Variants in AFG2A observed in about 807,000 individuals in gnomAD.
AFG2A encodes ATPase family gene 2 protein homolog A.
At chr4:122,993,883 G>T in the AFG2A span, among the ~76,000 whole-genome samples, 37 of 151,632 alleles carry the variant, frequency 2.4e-4, no homozygotes, top group Non-Finnish European at 4.7e-4. Flanking sequence ...TAGATAAAAG[G>T]GTATAGCTGG....
chr4:123,274,105 T>C, the AFG2A span, among the ~76,000 whole-genome samples: 2 of 152,148 alleles, frequency 1.3e-5, no homozygotes, highest in Non-Finnish European at 1.5e-5. Flanking sequence ...CTATATAGTG[T>C]ATTAGTTATA....
At chr4:122,962,707 T>C in the AFG2A span, among the ~76,000 whole-genome samples, 8 of 152,260 alleles carry the variant, frequency 5.3e-5, no homozygotes, top group Non-Finnish European at 8.8e-5. Context: ...CCAGGCTATC[T>C]AAATAAAAGT....
At chr4:123,158,293 A>T in the AFG2A span, among the ~76,000 whole-genome samples, 1 of 152,198 alleles carries the variant, frequency 6.6e-6, no homozygotes, top group Admixed American at 6.5e-5. Context: ...TGTACATTTA[A>T]AAGTGTGGGG....
At chr4:123,136,496 G>A in the AFG2A span, among the ~76,000 whole-genome samples, 11 of 151,078 alleles carry the variant, frequency 7.3e-5, no homozygotes, top group Admixed American at 2.0e-4. Flanking sequence ...GTAAAACCCC[G>A]TCTCTACTAA....
At chr4:123,029,357 C>T in the AFG2A span, among the ~76,000 whole-genome samples, 93 of 152,222 alleles carry the variant, frequency 6.1e-4, 2 homozygotes, top group East Asian at 0.017. Context: ...CAGGCGTGAG[C>T]GACTGCGTCT....
the AFG2A span, among the ~76,000 whole-genome samples, chr4:123,038,964 T>C: frequency 6.6e-6 from 1 of 152,110 alleles, no homozygotes; most frequent in African/African-American, 2.4e-5. Context: ...ATCAAGAATG[T>C]TTACCTGTAT....
At chr4:123,137,984 A>G in the AFG2A span, among the ~76,000 whole-genome samples, 1 of 152,180 alleles carries the variant, frequency 6.6e-6, no homozygotes, top group Admixed American at 6.5e-5. Flanking sequence ...GGGAAAATGG[A>G]TATTTGATGA....
chr4:122,984,970 A>G, the AFG2A span, among the ~76,000 whole-genome samples: 1 of 152,148 alleles, frequency 6.6e-6, no homozygotes, highest in Non-Finnish European at 1.5e-5. Flanking sequence ...CTGGCTTCAT[A>G]AAATGACTTA....
the AFG2A span, among the ~76,000 whole-genome samples, chr4:123,026,733 A>G: frequency 6.6e-6 from 1 of 152,204 alleles, no homozygotes; most frequent in African/African-American, 2.4e-5. Context: ...TCGTTACAAC[A>G]TGGGGTCTAT....
the AFG2A span, among the ~76,000 whole-genome samples, chr4:123,207,757 A>G: frequency 6.6e-6 from 1 of 152,254 alleles, no homozygotes; most frequent in African/African-American, 2.4e-5. Context: ...TGAAAACTAC[A>G]AAACATTTCA....
At chr4:123,241,467 G>C in the AFG2A span, among the ~76,000 whole-genome samples, 14 of 151,334 alleles carry the variant, frequency 9.3e-5, no homozygotes, top group Non-Finnish European at 1.5e-4. Flanking sequence ...GGGATGCAAG[G>C]CTGTTTCAAC....
At chr4:123,182,282 A>G in the AFG2A span, among the ~76,000 whole-genome samples, 1 of 152,238 alleles carries the variant, frequency 6.6e-6, no homozygotes, top group Non-Finnish European at 1.5e-5. Context: ...ACCACTAACT[A>G]GTAAGGCCAA....
chr4:123,187,997 C>CAA, the AFG2A span, among the ~76,000 whole-genome samples: 9 of 133,750 alleles, frequency 6.7e-5, no homozygotes, highest in Non-Finnish European at 1.3e-4. Flanking sequence ...GGCCCTATCT[C>CAA]AAAAAAAAAA....
chr4:122,966,499 A>G, the AFG2A span, among the ~76,000 whole-genome samples: 2 of 152,128 alleles, frequency 1.3e-5, no homozygotes, highest in African/African-American at 2.4e-5. Flanking sequence ...TCTTGTCTCT[A>G]TTTATATGCT....
chr4:123,023,123 C>T, the AFG2A span, among the ~76,000 whole-genome samples: 2 of 150,588 alleles, frequency 1.3e-5, no homozygotes, highest in Admixed American at 6.6e-5. Flanking sequence ...CAGCATGGCA[C>T]ATGTATACAT....
At chr4:123,052,153 C>T in the AFG2A span, among the ~76,000 whole-genome samples, 2 of 151,870 alleles carry the variant, frequency 1.3e-5, no homozygotes, top group Non-Finnish European at 2.9e-5. Flanking sequence ...GCTTTTTTCT[C>T]CTCTGACTGT....
chr4:122,965,902 T>C, the AFG2A span, among the ~76,000 whole-genome samples: 13 of 152,336 alleles, frequency 8.5e-5, no homozygotes, highest in Non-Finnish European at 1.9e-4. Flanking sequence ...TTTTAAGTTA[T>C]TTAAATTTGA....
At chr4:123,213,337 A>G in the AFG2A span, among the ~76,000 whole-genome samples, 12 of 152,172 alleles carry the variant, frequency 7.9e-5, no homozygotes, top group Non-Finnish European at 2.9e-5. Context: ...ATACATGCTC[A>G]TGGAAACACA....
At chr4:123,003,824 T>G in the AFG2A span, among the ~76,000 whole-genome samples, 2 of 152,066 alleles carry the variant, frequency 1.3e-5, no homozygotes, top group Non-Finnish European at 1.5e-5. Flanking sequence ...GGAAAACCAC[T>G]GCTGTCCTGA....
Sources: allele counts gnomAD v4.1 joint callset (sites outside exome capture counted in the v4.1 genomes callset), GRCh38; gene constraint gnomAD v4.1.1; transcripts MANE v1.5; gene names NCBI Gene and HGNC (gene_info 2026-07-23, HGNC 2026-07-21).